The following SLC10A7 variants were observed in gnomAD, a reference collection of about 807,000 sequenced individuals.
The protein encoded by SLC10A7 is sodium/bile acid cotransporter 7.
A neutral mutation model predicts 43.2 loss-of-function variants in SLC10A7; 29 were observed. That is an observed-to-expected ratio of 0.67 (90% CI 0.50 to 0.92). The LOEUF (loss-of-function observed/expected upper bound fraction) is 0.92, where lower values mean the gene tolerates loss of function less well. Among genes scored for constraint, SLC10A7 ranks in the 40% least tolerant of loss-of-function variants. The pLI, the probability that SLC10A7 is intolerant of heterozygous loss-of-function variation, is 0.00. For synonymous variants in SLC10A7, 152 were observed against 144.8 expected, an observed-to-expected ratio of 1.05 and a Z score of -0.35; for missense variants, 295 against 403.2, an observed-to-expected ratio of 0.73 and a Z score of 2.30.
chr4:146,292,396 T>C (rs1486880708), intron 9 of SLC10A7, among the ~76,000 whole-genome samples: 1 of 151,414 alleles, frequency 6.6e-6, no homozygotes, highest in Non-Finnish European at 1.5e-5. Flanking sequence ...GCAGAAAAAA[T>C]ATTACAGAAG....
intron 5 of SLC10A7, among the ~76,000 whole-genome samples, chr4:146,393,629 A>C (rs1738608325): frequency 6.6e-6 from 1 of 152,240 alleles, no homozygotes; most frequent in African/African-American, 2.4e-5. Context: ...AGTGCATGGC[A>C]TACTGAGTAA....
intron 5 of SLC10A7, among the ~76,000 whole-genome samples, chr4:146,365,090 A>T (rs1276946378): frequency 6.6e-6 from 1 of 152,188 alleles, no homozygotes; most frequent in Non-Finnish European, 1.5e-5. Context: ...AAAGTATCAA[A>T]GAAATCTGAA....
intron 5 of SLC10A7, among the ~76,000 whole-genome samples, chr4:146,382,105 T>C (rs1447931086): frequency 6.6e-6 from 1 of 152,162 alleles, no homozygotes; most frequent in Non-Finnish European, 1.5e-5. Flanking sequence ...AAAGGTTTTG[T>C]ATATTTTTAC....
intron 4 of SLC10A7, among the ~76,000 whole-genome samples, chr4:146,476,838 T>C (rs950038564): frequency 4.6e-5 from 7 of 152,126 alleles, no homozygotes; most frequent in African/African-American, 1.7e-4. Flanking sequence ...GGTTTAGTGA[T>C]AGCAAATGGT....
chr4:146,521,829 C>A lies in SLC10A7; in HGVS notation c.-112G>T. 1 of 850,252 alleles carries A rather than the reference C, an allele frequency of 1.2e-6. No individual in the cohort carries two copies. Among genetic ancestry groups the A allele is most frequent in the Non-Finnish European group, 1.9e-6 (1 of 531,914 alleles). 52.7% of individuals were successfully genotyped at this position (850,252 alleles called of 1,614,324 possible). A position where few individuals can be genotyped will look rare whatever the true frequency, so the allele number is the denominator to read the frequency against. On this transcript the variant is annotated 5_prime_UTR_variant, in exon 1 of 12. Transcript: ENST00000335472. ...ACTTTCCTTGGTCCCTCCAGACATGCAGCAGAGCAAGTCAAATTGCCGATT... is the reference window on the plus strand; with the variant it reads ...ACTTTCCTTGGTCCCTCCAGACATGAAGCAGAGCAAGTCAAATTGCCGATT...
chr4:146,269,867 T>A (rs1163319474), intron 10 of SLC10A7, among the ~76,000 whole-genome samples: 1 of 152,220 alleles, frequency 6.6e-6, no homozygotes, highest in Non-Finnish European at 1.5e-5. Context: ...CTTCCAAATG[T>A]TAGTTAAAAA....
chr4:146,287,392 T>C (rs1312338448), intron 9 of SLC10A7, among the ~76,000 whole-genome samples: 3 of 152,146 alleles, frequency 2.0e-5, no homozygotes, highest in Admixed American at 2.0e-4. Flanking sequence ...AAAGAAGTTA[T>C]CTGGAGCAGG....
At chr4:146,300,279 A>G (rs4467590) in intron 7 of SLC10A7, among the ~76,000 whole-genome samples, 107,157 of 151,988 alleles carry the variant, frequency 0.71, 37,984 homozygotes, top group African/African-American at 0.75. Flanking sequence ...AGGTCCAACA[A>G]GCCTGCTATA....
At position 146,441,581 on chromosome 4, in the gene SLC10A7, TG is replaced by T. The variant is rs1730606471; in HGVS notation, c.435+1201del. 3 of 712,642 alleles carry T rather than the reference TG, an allele frequency of 4.2e-6. No individual in the cohort carries two copies. The South Asian group carries it at 1.9e-4, about 45-fold the overall frequency. The allele number at this position is 712,642 out of a possible 1,614,324, so 44.1% of individuals were successfully genotyped here. On this transcript the variant is annotated intron_variant, in intron 5 of 11. Transcript: ENST00000335472. ...CAGATATTATTCTATTAAACAATTGTGACAACGTATAGAATAATACTTGGAC... is the reference window on the plus strand; with the variant it reads ...CAGATATTATTCTATTAAACAATTGTACAACGTATAGAATAATACTTGGAC...
intron 5 of SLC10A7, among the ~76,000 whole-genome samples, chr4:146,342,345 G>A (rs1307876566): frequency 6.6e-6 from 1 of 151,644 alleles, no homozygotes; most frequent in African/African-American, 2.4e-5. Flanking sequence ...TGTAGATAGT[G>A]TTAAAAGTAT....
chr4:146,492,541 T>C (rs1735554985), intron 4 of SLC10A7, among the ~76,000 whole-genome samples: 1 of 152,016 alleles, frequency 6.6e-6, no homozygotes, highest in Non-Finnish European at 1.5e-5. Flanking sequence ...CTAAATTTCT[T>C]TGTATTTTTT....
intron 4 of SLC10A7, among the ~76,000 whole-genome samples, chr4:146,493,600 C>G (rs1200479498): frequency 1.3e-5 from 2 of 151,990 alleles, no homozygotes; most frequent in Non-Finnish European, 2.9e-5. Flanking sequence ...CTAGGCTTTA[C>G]TGTTTCAGAG....
chr4:146,259,673 G>A (rs976557378), intron 10 of SLC10A7, among the ~76,000 whole-genome samples: 1 of 152,216 alleles, frequency 6.6e-6, no homozygotes, highest in East Asian at 1.9e-4. Flanking sequence ...TACTTCATGA[G>A]TCTACTATTC....
At chr4:146,385,942 A>G (rs575098062) in intron 5 of SLC10A7, among the ~76,000 whole-genome samples, 7 of 152,176 alleles carry the variant, frequency 4.6e-5, no homozygotes, top group Non-Finnish European at 1.0e-4. Context: ...CTTTCCTTCC[A>G]TAGTGTATAT....
In SLC10A7 at chr4:146,256,398, T is replaced by C. The variant is rs1727886576; in HGVS notation, c.*93A>G. On this transcript the variant is annotated 3_prime_UTR_variant, in exon 12 of 12. Coordinates refer to ENST00000335472, the MANE Select transcript of SLC10A7 (RefSeq NM_001029998.6). ...TTTGTGTAAAAAAATAAAATATGCA[T>C]TGAGGCAACATTCACAAGTACAAGT... The C allele has an allele frequency of 8.2e-7, 1 of 1,221,742 alleles. No homozygotes were observed. The highest frequency in any genetic ancestry group is 1.2e-6 in the Non-Finnish European group (1 of 839,808). 75.7% of individuals were successfully genotyped at this position (1,221,742 alleles called of 1,614,324 possible).
chr4:146,476,606 G>A (rs915855769), intron 4 of SLC10A7, among the ~76,000 whole-genome samples: 1 of 152,134 alleles, frequency 6.6e-6, no homozygotes. Flanking sequence ...CTAGTGGGAT[G>A]CTGGATCTCC....
chr4:146,498,427 T>G (rs1427884611), intron 4 of SLC10A7, among the ~76,000 whole-genome samples: 1 of 152,124 alleles, frequency 6.6e-6, no homozygotes, highest in Non-Finnish European at 1.5e-5. Flanking sequence ...CTTATTACTT[T>G]TTCTATTACT....
At chr4:146,267,493 T>C (rs898259347) in intron 10 of SLC10A7, among the ~76,000 whole-genome samples, 1 of 152,196 alleles carries the variant, frequency 6.6e-6, no homozygotes, top group African/African-American at 2.4e-5. Context: ...ATTGCACCCA[T>C]CTAAGTGATT....
chr4:146,451,159 A>G (rs1445460600), intron 4 of SLC10A7, among the ~76,000 whole-genome samples: 1 of 150,290 alleles, frequency 6.7e-6, no homozygotes, highest in Non-Finnish European at 1.5e-5. Context: ...TACATATAAA[A>G]AAGGAGAAGC....
Sources: allele counts gnomAD v4.1 joint callset (sites outside exome capture counted in the v4.1 genomes callset), GRCh38; gene constraint gnomAD v4.1.1; transcripts MANE v1.5; gene names NCBI Gene and HGNC (gene_info 2026-07-23, HGNC 2026-07-21).